The following AAK1 variants were observed in gnomAD, a reference collection of about 807,000 sequenced individuals.
AAK1 encodes the protein AP2 associated kinase 1, also known as AP2-associated protein kinase 1.
A neutral mutation model predicts 116.0 loss-of-function variants in AAK1; 37 were observed. The ratio of observed to expected loss-of-function variants is 0.32; its 90% CI spans 0.25 to 0.42. AAK1 has a LOEUF of 0.42. AAK1 is among the 10% of genes least tolerant of loss of function. The probability of loss-of-function intolerance (pLI) is 1.00; values close to 1 mark genes in which losing one functional copy is unlikely to be tolerated. For missense variants in AAK1, 919 were observed against 1,170.6 expected (o/e 0.79, Z 3.14); for synonymous variants, 458 against 439.9 (o/e 1.04, Z -0.51).
At chr2:69,497,235 A>G (rs75530166) in intron 16 of AAK1, among the ~76,000 whole-genome samples, 1 of 78,328 alleles carries the variant, frequency 1.3e-5, no homozygotes, top group Admixed American at 1.3e-4. Context: ...ACCTCAGCCT[A>G]GTAGCCTAGT....
At chr2:69,592,283 A>G (rs1384355726) in intron 2 of AAK1, among the ~76,000 whole-genome samples, 5 of 152,108 alleles carry the variant, frequency 3.3e-5, no homozygotes, top group Non-Finnish European at 7.4e-5. Flanking sequence ...GCTTCTCAAG[A>G]GAGGGTAGTT....
In AAK1 at chr2:69,509,352, G is replaced by T; in HGVS notation, c.1885C>A (p.Arg629Ser). 1.2e-6 allele frequency: 2 copies of T among 1,614,044 alleles called. No homozygotes were observed. The highest frequency in any genetic ancestry group is 1.7e-6 in the Non-Finnish European group (2 of 1,179,900). The change falls in exon 14 of 22, where the codon CGT becomes AGT. Residue 629 changes from arginine (R) to serine (S), a missense_variant. Around this residue, in one of 4 missense-constraint regions of AAK1, gnomAD observed 125 missense variants for 184.1 expected, o/e 0.68. Transcript: ENST00000409085. ...LTPPSSPKTQ[R>S]AGHRRILSDV... ...CTGAGAATACGCCTGTGCCCAGCAC[G>T]TTGGGTTTTGGGGGATGAGGGTGGA...
intron 2 of AAK1, among the ~76,000 whole-genome samples, chr2:69,580,687 C>T (rs746623109): frequency 6.6e-6 from 1 of 152,166 alleles, no homozygotes. Flanking sequence ...TATTTCAGCT[C>T]GTTTAAGTAG....
chr2:69,620,769 C>T (rs939859710), intron 2 of AAK1, among the ~76,000 whole-genome samples: 29 of 152,320 alleles, frequency 1.9e-4, no homozygotes, highest in African/African-American at 6.7e-4. Context: ...TAAGCTACCC[C>T]TTAAATGTTG....
chr2:69,554,524 T>G (rs1404628020), intron 3 of AAK1, among the ~76,000 whole-genome samples: 1 of 152,210 alleles, frequency 6.6e-6, no homozygotes, highest in Non-Finnish European at 1.5e-5. Flanking sequence ...AAACTACATA[T>G]TGCCAAAGTT....
chr2:69,534,776 A>G (rs2105032728), intron 5 of AAK1, among the ~76,000 whole-genome samples: 1 of 152,364 alleles, frequency 6.6e-6, no homozygotes, highest in Non-Finnish European at 1.5e-5. Context: ...AGCAGTTATG[A>G]CAGACTTAAA....
Position 69,468,838 on chromosome 2 carries a change from A to G in AAK1, c.*7031T>C, listed in dbSNP as rs757972244. The G allele has an allele frequency of 5.5e-5, 54 of 985,316 alleles. No individual in the cohort carries two copies. Among genetic ancestry groups the G allele is most frequent in the Admixed American group, 6.1e-5 (1 of 16,264 alleles). 61.0% of individuals were successfully genotyped at this position (985,316 alleles called of 1,614,324 possible). ...ATGGAAGAACATGTCTAACCCATCA[A>G]AATTATTTGTTAAAAAGTGGGTTTT... is the stretch of plus-strand genomic sequence containing the variant. On this transcript the variant is annotated 3_prime_UTR_variant, in exon 22 of 22. Transcript: ENST00000409085.
chr2:69,560,159 A>T (rs1671572482), intron 2 of AAK1, among the ~76,000 whole-genome samples: 1 of 152,254 alleles, frequency 6.6e-6, no homozygotes, highest in Admixed American at 6.5e-5. Flanking sequence ...CACGCCTAAC[A>T]GGACTTGTCA....
intron 2 of AAK1, among the ~76,000 whole-genome samples, chr2:69,572,620 TAAAAAAAAAA>T (rs768419313): frequency 9.4e-6 from 1 of 106,878 alleles, no homozygotes; most frequent in Non-Finnish European, 1.9e-5. Flanking sequence ...ACTCTGTCTT[TAAAAAAAAAA>T]AAAAAAAAAA....
chr2:69,556,028 T>C (rs1671372304), intron 3 of AAK1, among the ~76,000 whole-genome samples: 1 of 151,898 alleles, frequency 6.6e-6, no homozygotes, highest in Middle Eastern at 3.4e-3. Context: ...ATTTCCTCCA[T>C]ATATATTTCA....
intron 16 of AAK1, among the ~76,000 whole-genome samples, chr2:69,500,596 G>A (rs1675927721): frequency 6.8e-6 from 1 of 147,270 alleles, no homozygotes; most frequent in Admixed American, 6.9e-5. Flanking sequence ...CTTGATACAT[G>A]TTCAATGTTA....
In AAK1 at chr2:69,474,860, CAG is replaced by C. The variant is rs1240594341; in HGVS notation, c.*1007_*1008del. On this transcript the variant is annotated 3_prime_UTR_variant, in exon 22 of 22. Coordinates refer to ENST00000409085, the MANE Select transcript of AAK1 (RefSeq NM_014911.5). ...TCAGACTTGAAATGCCAAGTGGAAA[CAG>C]AACTATTCAGCATCTTCATTTATAC... 1.0e-6 allele frequency: 1 copy of C among 985,620 alleles called. No homozygotes were observed. The highest frequency in any genetic ancestry group is 1.7e-5 in the African/African-American group (1 of 57,204). The allele number at this position is 985,620 out of a possible 1,614,324, so 61.1% of individuals were successfully genotyped here. A position where few individuals can be genotyped will look rare whatever the true frequency, so the allele number is the denominator to read the frequency against.
intron 8 of AAK1, 69 bp downstream of exon 8, chr2:69,529,939 C>T (rs1670184076): frequency 7.6e-7 from 1 of 1,317,780 alleles, no homozygotes; most frequent in Non-Finnish European, 1.0e-6. Context: ...GAATCTAATC[C>T]CTTTATCCCC....
chr2:69,492,095 C>T (rs1284690606), intron 17 of AAK1, among the ~76,000 whole-genome samples: 2 of 152,148 alleles, frequency 1.3e-5, no homozygotes, highest in African/African-American at 4.8e-5. Context: ...TTATCTACCA[C>T]CTACCACTCC....
chr2:69,634,402 G>A (rs145617976), intron 2 of AAK1, among the ~76,000 whole-genome samples: 6 of 152,290 alleles, frequency 3.9e-5, no homozygotes, highest in South Asian at 2.1e-4. Context: ...CAGGGATGAC[G>A]CAATCACAAA....
Position 69,476,914 on chromosome 2 carries a change from G to A in AAK1, c.2757C>T (p.Asp919=). The change falls in exon 21 of 22, where the codon GAC becomes GAT. Residue 919 remains aspartate (D), a synonymous_variant. Coordinates refer to ENST00000409085, the MANE Select transcript of AAK1 (RefSeq NM_014911.5). Reference sequence around the variant, plus strand: ...TTTTGGTTATCAATACAGGAATAGGGTCAAACTCATCTTCAGCCACCTTGT... The same window carrying A: ...TTTTGGTTATCAATACAGGAATAGGATCAAACTCATCTTCAGCCACCTTGT... ...GSDKVAEDEF[D]PIPVLITKNP... is the part of the protein sequence containing the mutation. 6.2e-7 allele frequency: 1 copy of A among 1,613,594 alleles called. No homozygotes were observed. The highest frequency in any genetic ancestry group is 2.2e-5 in the East Asian group (1 of 44,856).
In AAK1 at chr2:69,518,918, G is replaced by T. The variant is rs1169256339; in HGVS notation, c.1497+36C>A. ...TGGGCCTTTTCACAGTCATGACTCA[G>T]ATATGCAAGCAAGGGCCACACTCTG... On this transcript the variant is annotated intron_variant, in intron 12 of 21. Coordinates refer to ENST00000409085, the MANE Select transcript of AAK1 (RefSeq NM_014911.5). 5 of 1,503,150 alleles carry T rather than the reference G, an allele frequency of 3.3e-6. No homozygotes were observed. The East Asian group carries it at 1.2e-4, about 37-fold the overall frequency. The allele number at this position is 1,503,150 out of a possible 1,614,324, so 93.1% of individuals were successfully genotyped here. A position where few individuals can be genotyped will look rare whatever the true frequency, so the allele number is the denominator to read the frequency against.
In AAK1 at chr2:69,643,118, A is replaced by G; in HGVS notation, c.-78T>C. ...TTTTTTTTTTTTTTTTTAAGAAAAG[A>G]GATCCAAGGATTTCTTCTCAGATTT... is the stretch of plus-strand genomic sequence containing the variant. On this transcript the variant is annotated 5_prime_UTR_variant, in exon 2 of 22. Coordinates refer to ENST00000409085, the MANE Select transcript of AAK1 (RefSeq NM_014911.5). The G allele has an allele frequency of 7.0e-7, 1 of 1,425,800 alleles. No homozygotes were observed. The highest frequency in any genetic ancestry group is 1.5e-5 in the South Asian group (1 of 65,362). 88.3% of individuals were successfully genotyped at this position (1,425,800 alleles called of 1,614,324 possible).
chr2:69,555,774 G>A (rs1671365012), intron 3 of AAK1, among the ~76,000 whole-genome samples: 1 of 151,946 alleles, frequency 6.6e-6, no homozygotes, highest in Non-Finnish European at 1.5e-5. Flanking sequence ...TAAAACAAAA[G>A]CACTGTGGAA....
Sources: allele counts gnomAD v4.1 joint callset (sites outside exome capture counted in the v4.1 genomes callset), GRCh38; gene constraint gnomAD v4.1.1; regional missense constraint gnomAD v4.1.1; transcripts MANE v1.5; gene names NCBI Gene and HGNC (gene_info 2026-07-23, HGNC 2026-07-21).